JPH3: variants seen among roughly 807,000 people sequenced by gnomAD.
JPH3 encodes junctophilin 3.
Under a neutral mutation model 59.6 loss-of-function variants are expected in JPH3, and 11 were observed. The ratio of observed to expected loss-of-function variants is 0.18; its 90% confidence interval spans 0.12 to 0.31. The LOEUF (loss-of-function observed/expected upper bound fraction) is 0.31, where lower values mean the gene tolerates loss of function less well. Among genes scored for constraint, JPH3 ranks in the 10% least tolerant of loss-of-function variants. The pLI, the probability that JPH3 is intolerant of heterozygous loss-of-function variation, is 1.00. For missense variants in JPH3, 1,202 were observed against 1,105.7 expected (o/e 1.09, Z -1.24); for synonymous variants, 673 against 483.6 (o/e 1.39, Z -5.14).
intron 1 of JPH3, among the ~76,000 whole-genome samples, chr16:87,635,525 C>G (rs2031709304): frequency 6.6e-6 from 1 of 152,196 alleles, no homozygotes; most frequent in Non-Finnish European, 1.5e-5. Context: ...GCTGACCAAG[C>G]AGGCCAGGCG....
intron 2 of JPH3, among the ~76,000 whole-genome samples, chr16:87,679,020 T>G (rs527355228): frequency 6.6e-6 from 1 of 152,348 alleles, no homozygotes; most frequent in South Asian, 2.1e-4. Flanking sequence ...TTCATTACCG[T>G]AGCCCGGGAC....
upstream of JPH3, chr16:87,601,934 A>C (rs1279948579): frequency 6.6e-6 from 1 of 152,490 alleles, no homozygotes; most frequent in Non-Finnish European, 1.5e-5. Context: ...TTCTGGGGTA[A>C]GCCCCCCTCC....
intron 1 of JPH3, among the ~76,000 whole-genome samples, chr16:87,619,880 A>G (rs573581827): frequency 1.7e-4 from 26 of 152,118 alleles, no homozygotes; most frequent in Admixed American, 2.6e-4. Flanking sequence ...CCTTCTAGGG[A>G]GTGAGGCTGG....
chr16:87,614,139 G>C (rs111409026), intron 1 of JPH3, among the ~76,000 whole-genome samples: 3,788 of 152,306 alleles, frequency 0.025, 150 homozygotes, highest in African/African-American at 0.085. Flanking sequence ...GCGTGGTGTG[G>C]ACACAGAGCT....
chr16:87,618,413 C>T (rs1490874186), intron 1 of JPH3, among the ~76,000 whole-genome samples: 1 of 152,136 alleles, frequency 6.6e-6, no homozygotes, highest in Non-Finnish European at 1.5e-5. Flanking sequence ...CTGTGCCTGG[C>T]CTTGTGGCAA....
chr16:87,657,538 G>C (rs1311895005), intron 2 of JPH3, among the ~76,000 whole-genome samples: 5 of 152,296 alleles, frequency 3.3e-5, no homozygotes, highest in South Asian at 4.1e-4. Flanking sequence ...AACTGTTAAA[G>C]TGGCAAGTTT....
At chr16:87,666,715 T>C (rs1329020033) in intron 2 of JPH3, among the ~76,000 whole-genome samples, 1 of 152,172 alleles carries the variant, frequency 6.6e-6, no homozygotes, top group Non-Finnish European at 1.5e-5. Flanking sequence ...GATTACAGGA[T>C]GAGCCACGGT....
intron 2 of JPH3, among the ~76,000 whole-genome samples, chr16:87,659,039 G>A (rs892120830): frequency 1.4e-4 from 22 of 152,188 alleles, no homozygotes; most frequent in Admixed American, 4.6e-4. Context: ...CGGCCACAGC[G>A]AAAGCCATGC....
At chr16:87,673,326 A>AC (rs1460620367) in intron 2 of JPH3, among the ~76,000 whole-genome samples, 2 of 151,748 alleles carry the variant, frequency 1.3e-5, no homozygotes, top group Admixed American at 1.3e-4. Flanking sequence ...TTAAAAAAAA[A>AC]AACTGATCTA....
intron 2 of JPH3, among the ~76,000 whole-genome samples, chr16:87,675,559 C>T (rs2033123640): frequency 6.6e-6 from 1 of 152,224 alleles, no homozygotes; most frequent in African/African-American, 2.4e-5. Flanking sequence ...AGTGGCACAG[C>T]CGTGCTGTGG....
chr16:87,626,365 C>T (rs963790368), intron 1 of JPH3, among the ~76,000 whole-genome samples: 6 of 152,200 alleles, frequency 3.9e-5, no homozygotes, highest in East Asian at 3.8e-4. Context: ...AACTCCCACC[C>T]GCCTGCCTCT....
chr16:87,658,487 G>C (rs1188466841), intron 2 of JPH3, among the ~76,000 whole-genome samples: 1 of 149,772 alleles, frequency 6.7e-6, no homozygotes, highest in East Asian at 2.0e-4. Flanking sequence ...ATCACTCTTT[G>C]TCCTTGTCTC....
chr16:87,684,497 A>C, intron 3 of JPH3: 1 of 589,678 alleles, frequency 1.7e-6, no homozygotes, highest in Non-Finnish European at 2.9e-6. Context: ...TCCCATTCCC[A>C]CAGTCCTTGG....
rs539981864 is a variant in JPH3 at position 87,648,581 on chromosome 16, T to C, written c.1160+3546T>C. The stretch of plus-strand genomic sequence containing the variant: ...AGCTCTGCAGGGAAGGGAAGTGGGT[T>C]TTCCTGGAAAACGGGGCGGGAGGTG... On this transcript the variant is annotated intron_variant, in intron 2 of 4. Transcript: ENST00000284262. 1.3e-3 allele frequency among the ~76,000 whole-genome samples: 192 copies of C among 152,032 alleles called. 2 individuals are homozygous for C. The highest frequency in any genetic ancestry group is 4.5e-3 in the African/African-American group (188 of 41,466).
Position 87,644,801 on chromosome 16 carries a change from T to C in JPH3, c.926T>C (p.Leu309Pro). Reference sequence around the variant, plus strand: ...GGCGTGAGCCAGCGCTCGGACGGGCTCAAGTACGAGGGCGAGTGGGCCAGC... The same window carrying C: ...GGCGTGAGCCAGCGCTCGGACGGGCCCAAGTACGAGGGCGAGTGGGCCAGC... ...GFGVSQRSDG[L>P]KYEGEWASNR... Residue 309 changes from leucine (L) to proline (P), a missense_variant, in exon 2 of 5, where the codon CTC (leucine) becomes CCC (proline). Coordinates refer to ENST00000284262, the MANE Select transcript of JPH3 (RefSeq NM_020655.4). The C allele has an allele frequency of 6.2e-7, 1 of 1,611,512 alleles. No homozygotes were observed. Among genetic ancestry groups the C allele is most frequent in the Non-Finnish European group, 8.5e-7 (1 of 1,179,602 alleles).
chr16:87,666,540 C>T (rs913361035), intron 2 of JPH3, among the ~76,000 whole-genome samples: 1 of 151,958 alleles, frequency 6.6e-6, no homozygotes, highest in African/African-American at 2.4e-5. Context: ...TACAGGTGTG[C>T]ACCACCATGC....
At chr16:87,673,185 C>G (rs572089981) in intron 2 of JPH3, among the ~76,000 whole-genome samples, 2 of 151,748 alleles carry the variant, frequency 1.3e-5, no homozygotes, top group Non-Finnish European at 2.9e-5. Context: ...ATAATAAAAG[C>G]TGGTTTCCTT....
rs1328798181 is a variant in JPH3 at position 87,697,077 on chromosome 16, C to T, written c.*417C>T. The stretch of plus-strand genomic sequence containing the variant: ...CCTGAGTGGCAGGGCTGACTCCCGT[C>T]GACACGAGCTTAGAAAGTGGATTCA... On this transcript the variant is annotated 3_prime_UTR_variant, in exon 5 of 5. Coordinates refer to ENST00000284262, the MANE Select transcript of JPH3 (RefSeq NM_020655.4). 5 of 265,946 alleles carry T rather than the reference C, an allele frequency of 1.9e-5. No homozygotes were observed. Among genetic ancestry groups the T allele is most frequent in the East Asian group, 9.2e-5 (1 of 10,862 alleles). 16.5% of individuals were successfully genotyped at this position (265,946 alleles called of 1,614,324 possible).
At chr16:87,610,435 A>G (rs1401669599) in intron 1 of JPH3, among the ~76,000 whole-genome samples, 2 of 152,246 alleles carry the variant, frequency 1.3e-5, no homozygotes, top group Non-Finnish European at 2.9e-5. Flanking sequence ...GTTTGTGTCC[A>G]TGCTGGTCAC....
Sources: allele counts gnomAD v4.1 joint callset (sites outside exome capture counted in the v4.1 genomes callset), GRCh38; gene constraint gnomAD v4.1.1; transcripts MANE v1.5; gene names NCBI Gene and HGNC (gene_info 2026-07-23, HGNC 2026-07-21).